KCTD3: variants seen among roughly 807,000 people sequenced by gnomAD.
KCTD3 encodes the protein potassium channel tetramerization domain containing 3, also known as BTB/POZ domain-containing protein KCTD3.
A neutral mutation model predicts 85.8 loss-of-function variants in KCTD3; 41 were observed. The ratio of observed to expected loss-of-function variants is 0.48; its 90% CI spans 0.37 to 0.62. The LOEUF is 0.62. Ranked by LOEUF, KCTD3 falls within the 20% of genes least tolerant of loss-of-function variation. The probability of loss-of-function intolerance (pLI) is 0.00; values close to 1 mark genes in which losing one functional copy is unlikely to be tolerated. For missense variants in KCTD3, 724 were observed against 989.9 expected, an observed-to-expected ratio of 0.73 and a Z score of 3.60; for synonymous variants, 338 against 345.4, an observed-to-expected ratio of 0.98 and a Z score of 0.24.
At position 215,621,273 on chromosome 1, in the gene KCTD3, A is replaced by G. The variant is rs946976411; in HGVS notation, c.*655A>G. The G allele has an allele frequency of 6.6e-6, 1 of 152,470 alleles. No homozygotes were observed. Among genetic ancestry groups the G allele is most frequent in the Non-Finnish European group, 1.5e-5 (1 of 67,996 alleles). 9.4% of individuals were successfully genotyped at this position (152,470 alleles called of 1,614,324 possible). On this transcript the variant is annotated 3_prime_UTR_variant, in exon 18 of 18. Transcript: ENST00000259154. Reference sequence around the variant, plus strand: ...CAAGCATTAGCAATATTAAATGCCAAAATTCCATTGAAACTTTCAAGTTGG... The same window carrying G: ...CAAGCATTAGCAATATTAAATGCCAGAATTCCATTGAAACTTTCAAGTTGG...
chr1:215,575,782 T>G (rs1298373888), intron 3 of KCTD3, 119 bp from the exon 4 acceptor site: 22 of 581,558 alleles, frequency 3.8e-5, no homozygotes, highest in Non-Finnish European at 6.3e-5. Flanking sequence ...AGTTTAAGAG[T>G]GGAAACAAGG....
At chr1:215,613,599 C>T (rs1260484803) in intron 15 of KCTD3, among the ~76,000 whole-genome samples, 1 of 152,032 alleles carries the variant, frequency 6.6e-6, no homozygotes, top group Non-Finnish European at 1.5e-5. Flanking sequence ...GTTGATATTT[C>T]CTAGGTTTCC....
intron 1 of KCTD3, among the ~76,000 whole-genome samples, chr1:215,572,959 T>C (rs1295128480): frequency 1.3e-5 from 2 of 152,238 alleles, no homozygotes; most frequent in African/African-American, 4.8e-5. Context: ...AGGGCTGGAC[T>C]GAACAAGTAC....
Position 215,595,343 on chromosome 1 carries a change from A to T in KCTD3, c.818-13A>T, listed in dbSNP as rs774963598. 3.3e-6 allele frequency: 5 copies of T among 1,493,082 alleles called. No individual in the cohort carries two copies. The South Asian group carries it at 4.6e-5, about 14-fold the overall frequency. 92.5% of individuals were successfully genotyped at this position (1,493,082 alleles called of 1,614,324 possible). ...TGACTGATTAACCTTTTTATTTTTT[A>T]TTGTCATTTAAGGAGTGTTCAGCCT... is the stretch of plus-strand genomic sequence containing the variant. On this transcript the variant is annotated splice_polypyrimidine_tract_variant and intron_variant, in intron 9 of 17. Coordinates refer to ENST00000259154, the MANE Select transcript of KCTD3 (RefSeq NM_016121.5).
chr1:215,580,832 A>G (rs1455001904), intron 8 of KCTD3: 3 of 290,870 alleles, frequency 1.0e-5, no homozygotes, highest in South Asian at 2.8e-5. Context: ...TATAGTTTAA[A>G]GAATCCCAGA....
chr1:215,580,393 G>A (rs1347198687), intron 8 of KCTD3, among the ~76,000 whole-genome samples: 1 of 152,196 alleles, frequency 6.6e-6, no homozygotes, highest in Admixed American at 6.5e-5. Context: ...GCAAGGGAGA[G>A]TACATTGGTC....
At chr1:215,609,851 T>C (rs1251952534) in intron 14 of KCTD3, among the ~76,000 whole-genome samples, 1 of 151,858 alleles carries the variant, frequency 6.6e-6, no homozygotes, top group African/African-American at 2.4e-5. Context: ...TATGAAGATA[T>C]ACCTGGTTCT....
chr1:215,616,292 A>T (rs1340807153), intron 15 of KCTD3, among the ~76,000 whole-genome samples: 2 of 152,204 alleles, frequency 1.3e-5, no homozygotes, highest in Non-Finnish European at 2.9e-5. Flanking sequence ...GATATTATTT[A>T]AAAATAAATG....
At chr1:215,606,571 TAC>T (rs1283172695) in intron 13 of KCTD3, among the ~76,000 whole-genome samples, 6 of 152,096 alleles carry the variant, frequency 3.9e-5, no homozygotes, top group African/African-American at 1.4e-4. Context: ...TGTATAGAGA[TAC>T]TCTGTAATAA....
rs1476143472 is a variant in KCTD3 at position 215,567,424 on chromosome 1, G to T, written c.-262G>T. ...GCAGCGGAGCACGGAGAAGAGGCCC[G>T]GGCGGCCCGGCGGCCTGGAGGCCGC... is the stretch of plus-strand genomic sequence containing the variant. On this transcript the variant is annotated 5_prime_UTR_variant, in exon 1 of 18. Transcript: ENST00000259154. 2 of 225,186 alleles carry T rather than the reference G, an allele frequency of 8.9e-6. No homozygotes were observed. The highest frequency in any genetic ancestry group is 1.7e-5 in the Non-Finnish European group (2 of 117,072). 13.9% of individuals were successfully genotyped at this position (225,186 alleles called of 1,614,324 possible).
chr1:215,593,417 G>A (rs1026782114), intron 9 of KCTD3, among the ~76,000 whole-genome samples: 6 of 152,040 alleles, frequency 3.9e-5, no homozygotes, highest in Admixed American at 1.3e-4. Flanking sequence ...GTCATGTATC[G>A]TCTTCTTGCT....
At chr1:215,608,266 TA>T (rs1458842502) in intron 14 of KCTD3, 94 bp downstream of exon 14, 1 of 773,180 alleles carries the variant, frequency 1.3e-6, no homozygotes, top group Non-Finnish European at 1.9e-6. Flanking sequence ...GAGTTTTAAA[TA>T]CAAATTTTCC....
chr1:215,575,287 A>G (rs182003737), intron 3 of KCTD3, among the ~76,000 whole-genome samples: 5 of 152,042 alleles, frequency 3.3e-5, no homozygotes, highest in African/African-American at 1.2e-4. Context: ...CCAATTATGT[A>G]TTTTACATTT....
At chr1:215,601,696 T>C (rs1363955903) in intron 10 of KCTD3, among the ~76,000 whole-genome samples, 171 bp from the exon 11 acceptor site, 1 of 152,224 alleles carries the variant, frequency 6.6e-6, no homozygotes, top group Non-Finnish European at 1.5e-5. Flanking sequence ...GTAGCATGTT[T>C]GTGTATATGT....
chr1:215,594,616 C>T (rs1329567515), intron 9 of KCTD3, among the ~76,000 whole-genome samples: 1 of 152,132 alleles, frequency 6.6e-6, no homozygotes, highest in East Asian at 1.9e-4. Context: ...CCCTGTGCAT[C>T]CTTCTGTTAT....
At chr1:215,568,571 A>C (rs1659244499) in intron 1 of KCTD3, among the ~76,000 whole-genome samples, 1 of 138,052 alleles carries the variant, frequency 7.2e-6, no homozygotes, top group African/African-American at 2.7e-5. Context: ...CCTATAACTT[A>C]TGAGTCACTC....
rs780559180 is a variant in KCTD3 at position 215,619,233 on chromosome 1, A to G, written c.1828A>G (p.Asn610Asp). ...GAGCACATCTCGCTGTGCTACTCCT[A>G]ACATCAGTCCAGCAACTTCCGTAGT... ...DLSTSRCATP[N>D]ISPATSVVQH... The change falls in exon 17 of 18, where the codon AAC (asparagine) becomes GAC (aspartate). Residue 610 changes from asparagine (N) to aspartate (D), a missense_variant. Coordinates refer to ENST00000259154, the MANE Select transcript of KCTD3 (RefSeq NM_016121.5). The G allele has an allele frequency of 2.5e-6, 4 of 1,613,874 alleles. No individual in the cohort carries two copies. In the Admixed American group the frequency reaches 6.7e-5, roughly 27 times the overall value.
At chr1:215,604,027 C>G in intron 12 of KCTD3, 105 bp from the exon 13 acceptor site, 1 of 790,148 alleles carries the variant, frequency 1.3e-6, no homozygotes, top group Non-Finnish European at 2.0e-6. Context: ...CTGATATAAA[C>G]AGTGAATCCA....
chr1:215,571,661 C>T (rs530565417), intron 1 of KCTD3, among the ~76,000 whole-genome samples: 5 of 147,332 alleles, frequency 3.4e-5, no homozygotes, highest in Admixed American at 6.8e-5. Context: ...GACGGAGTCT[C>T]GCTTTGTCGC....
Sources: gnomAD v4.1 joint callset for allele counts (sites outside exome capture counted in the v4.1 genomes callset) on GRCh38, gnomAD v4.1.1 for gene constraint, MANE v1.5 for transcripts, NCBI Gene and HGNC (gene_info 2026-07-23, HGNC 2026-07-21) for gene names.